The following ROR1 variants were observed in gnomAD, a reference collection of about 807,000 sequenced individuals.
ROR1 encodes ROR family WNT receptor 1, also known as inactive tyrosine-protein kinase transmembrane receptor ROR1.
In ROR1, 19 loss-of-function variants were observed where a neutral mutation model predicts 78.8. That is an observed-to-expected ratio of 0.24 (90% CI 0.17 to 0.35). ROR1 has a LOEUF of 0.35. Among genes scored for constraint, ROR1 ranks in the 10% least tolerant of loss-of-function variants. The probability of loss-of-function intolerance (pLI) is 1.00; values close to 1 mark genes in which losing one functional copy is unlikely to be tolerated. For missense variants in ROR1, 917 were observed against 1,177.8 expected (o/e 0.78, Z 3.24); for synonymous variants, 386 against 433.6 (o/e 0.89, Z 1.36).
rs544854609 is a variant in ROR1 at position 64,179,491 on chromosome 1, A to T, written c.*636A>T. 69 of 152,338 alleles carry T rather than the reference A, an allele frequency of 4.5e-4. No individual in the cohort carries two copies. Among genetic ancestry groups the T allele is most frequent in the African/African-American group, 1.6e-3 (68 of 41,464 alleles). 9.4% of individuals were successfully genotyped at this position (152,338 alleles called of 1,614,324 possible). A position where few individuals can be genotyped will look rare whatever the true frequency, so the allele number is the denominator to read the frequency against. ...AAGGTGTAGAGTGTGCCTTTTTGTG[A>T]ATCCTCCTCTGATCATGAGGGTCTT... On this transcript the variant is annotated 3_prime_UTR_variant, in exon 9 of 9. Transcript: ENST00000371079.
intron 1 of ROR1, among the ~76,000 whole-genome samples, chr1:63,998,575 A>G (rs1646358025): frequency 6.6e-6 from 1 of 152,214 alleles, no homozygotes; most frequent in Non-Finnish European, 1.5e-5. Flanking sequence ...ACCTGTACCT[A>G]GTACCATGTT....
At chr1:64,109,904 G>A (rs6663992) in intron 4 of ROR1, among the ~76,000 whole-genome samples, 18,916 of 151,990 alleles carry the variant, frequency 0.12, 1,333 homozygotes, top group Middle Eastern at 0.15. Context: ...TCTGATGTCC[G>A]AATGTCTTAT....
intron 4 of ROR1, 105 bp downstream of exon 4, chr1:64,050,821 G>C: frequency 9.0e-7 from 1 of 1,111,940 alleles, no homozygotes; most frequent in Non-Finnish European, 1.4e-6. Flanking sequence ...CTGGCTTCCA[G>C]ATGTCATTCC....
chr1:63,968,135 T>A (rs1294023681), intron 1 of ROR1, among the ~76,000 whole-genome samples: 1 of 152,188 alleles, frequency 6.6e-6, no homozygotes, highest in Non-Finnish European at 1.5e-5. Flanking sequence ...GTTAAATAGT[T>A]GTATCCGAAG....
At chr1:64,037,256 G>T (rs1209078491) in intron 2 of ROR1, among the ~76,000 whole-genome samples, 2 of 152,160 alleles carry the variant, frequency 1.3e-5, no homozygotes, top group Non-Finnish European at 2.9e-5. Context: ...ACAATTTGCA[G>T]ATAGTTTTCT....
intron 1 of ROR1, among the ~76,000 whole-genome samples, chr1:63,824,411 A>G (rs1293262526): frequency 6.6e-6 from 1 of 152,156 alleles, no homozygotes; most frequent in Non-Finnish European, 1.5e-5. Flanking sequence ...GTCACAAAAT[A>G]TTATTTGTCT....
intron 2 of ROR1, among the ~76,000 whole-genome samples, chr1:64,036,686 A>G (rs1040670748): frequency 6.6e-6 from 1 of 152,226 alleles, no homozygotes; most frequent in African/African-American, 2.4e-5. Context: ...CACTCCTTAG[A>G]ATCTCAAGTG....
chr1:63,889,095 C>T (rs1023883627), intron 1 of ROR1, among the ~76,000 whole-genome samples: 1 of 152,128 alleles, frequency 6.6e-6, no homozygotes, highest in African/African-American at 2.4e-5. Context: ...AGGAAAATTC[C>T]TTGACATATG....
intron 1 of ROR1, among the ~76,000 whole-genome samples, chr1:63,831,237 A>G (rs1056446298): frequency 4.6e-5 from 7 of 152,142 alleles, no homozygotes; most frequent in African/African-American, 2.4e-5. Flanking sequence ...TCTCAGCTCT[A>G]CTAGGCAGTT....
chr1:64,074,868 G>A (rs1160255808), intron 4 of ROR1, among the ~76,000 whole-genome samples: 3 of 152,194 alleles, frequency 2.0e-5, no homozygotes, highest in Admixed American at 1.3e-4. Context: ...GCACAATGAA[G>A]ATAAATAATA....
intron 1 of ROR1, among the ~76,000 whole-genome samples, chr1:63,857,563 T>G (rs1238638045): frequency 6.6e-6 from 1 of 152,186 alleles, no homozygotes; most frequent in African/African-American, 2.4e-5. Context: ...CTCTATGGAT[T>G]TGGCATTGGA....
chr1:63,899,121 G>A (rs1330651188), intron 1 of ROR1, among the ~76,000 whole-genome samples: 1 of 152,056 alleles, frequency 6.6e-6, no homozygotes, highest in East Asian at 1.9e-4. Context: ...CAGTTGTTCA[G>A]ATCTGGGGTG....
At chr1:63,939,954 G>C (rs1351476502) in intron 1 of ROR1, among the ~76,000 whole-genome samples, 4 of 152,150 alleles carry the variant, frequency 2.6e-5, no homozygotes, top group Admixed American at 2.6e-4. Context: ...TCATTTTCTT[G>C]TGAAGGAAGA....
rs779961891 is a variant in ROR1 at position 64,178,735 on chromosome 1, T to C, written c.2694T>C (p.Gly898=). The C allele has an allele frequency of 1.2e-6, 2 of 1,614,092 alleles. No homozygotes were observed. The highest frequency in any genetic ancestry group is 2.2e-5 in the South Asian group (2 of 91,080). ...TTCCAAATCATCCTGGTGGAATGGG[T>C]ATCACCGTTTTTGGCAACAAATCTC... ...MSIPNHPGGM[G]ITVFGNKSQK... Residue 898 remains glycine, a synonymous_variant, in exon 9 of 9, where the codon GGT becomes GGC. Coordinates refer to ENST00000371079, the MANE Select transcript of ROR1 (RefSeq NM_005012.4). This position sits in a 1 kb window ranked among gnomAD's most constrained non-coding sequence, Gnocchi z 4.3.
intron 4 of ROR1, among the ~76,000 whole-genome samples, chr1:64,089,899 T>C (rs1438420932): frequency 2.0e-5 from 3 of 152,140 alleles, no homozygotes; most frequent in East Asian, 3.9e-4. Flanking sequence ...TCCCCCATAC[T>C]GTTCTCGTCA....
At chr1:64,129,226 AAG>A (rs1349128080) in intron 4 of ROR1, among the ~76,000 whole-genome samples, 1 of 152,220 alleles carries the variant, frequency 6.6e-6, no homozygotes, top group Non-Finnish European at 1.5e-5. Flanking sequence ...TCTGAGTAGT[AAG>A]ATGAAATTAA....
intron 1 of ROR1, among the ~76,000 whole-genome samples, chr1:63,805,477 A>G (rs1035814692): frequency 4.6e-5 from 7 of 152,254 alleles, no homozygotes; most frequent in Non-Finnish European, 8.8e-5. Flanking sequence ...GCACTATAAA[A>G]AAGTATAATG....
At chr1:64,064,830 A>G (rs1051675206) in intron 4 of ROR1, among the ~76,000 whole-genome samples, 1 of 152,182 alleles carries the variant, frequency 6.6e-6, no homozygotes, top group African/African-American at 2.4e-5. Flanking sequence ...AAGGAACAAG[A>G]ATAAGCAGAC....
intron 1 of ROR1, among the ~76,000 whole-genome samples, chr1:63,950,310 A>G (rs1297391094): frequency 2.6e-5 from 4 of 152,218 alleles, no homozygotes; most frequent in African/African-American, 9.6e-5. Flanking sequence ...TCTTGATCAT[A>G]TGATATATTA....
Sources: gnomAD v4.1 joint callset for allele counts (sites outside exome capture counted in the v4.1 genomes callset) on GRCh38, gnomAD v4.1.1 for gene constraint, Gnocchi (gnomAD v3.1) non-coding constraint, MANE v1.5 for transcripts, NCBI Gene and HGNC (gene_info 2026-07-23, HGNC 2026-07-21) for gene names.